Variants in DSC1 observed in about 807,000 individuals in gnomAD.
DSC1 encodes desmocollin 1.
Under a neutral mutation model 98.8 loss-of-function variants are expected in DSC1, and 79 were observed. The ratio of observed to expected loss-of-function variants is 0.80; its 90% CI spans 0.67 to 0.96. The LOEUF (loss-of-function observed/expected upper bound fraction) is 0.96. Among genes scored for constraint, DSC1 ranks in the 50% least tolerant of loss-of-function variants. DSC1 has a pLI of 0.00. For missense variants in DSC1, 1,115 were observed against 1,075.9 expected, an observed-to-expected ratio of 1.04 and a Z score of -0.51; for synonymous variants, 405 against 372.1, an observed-to-expected ratio of 1.09 and a Z score of -1.02.
chr18:31,132,290 G>A (rs2144912477), intron 14 of DSC1: 2 of 354,094 alleles, frequency 5.6e-6, no homozygotes, highest in East Asian at 6.0e-5. Context: ...TCCTTCAGAG[G>A]GAGCACGGAC....
chr18:31,145,851 C>T, intron 6 of DSC1, 74 bp from the exon 7 acceptor site: 2 of 1,498,622 alleles, frequency 1.3e-6, no homozygotes, highest in Non-Finnish European at 1.8e-6. Context: ...AAAATCAAGG[C>T]ATTGCTGTAG....
chr18:31,154,527 C>T (rs1003196581), intron 5 of DSC1, among the ~76,000 whole-genome samples: 1 of 152,038 alleles, frequency 6.6e-6, no homozygotes, highest in Non-Finnish European at 1.5e-5. Context: ...TCCAGGATTA[C>T]AGACCAAAAT....
chr18:31,145,015 C>G (rs998861424), intron 7 of DSC1, among the ~76,000 whole-genome samples: 1 of 148,692 alleles, frequency 6.7e-6, no homozygotes, highest in Non-Finnish European at 1.5e-5. Context: ...TCTCGGCTCA[C>G]TGCAAGCTCC....
At chr18:31,136,311 AC>A (rs1988607929) in intron 11 of DSC1, among the ~76,000 whole-genome samples, 1 of 152,192 alleles carries the variant, frequency 6.6e-6, no homozygotes, top group Non-Finnish European at 1.5e-5. Flanking sequence ...TGATATATAT[AC>A]TATAATTTCA....
chr18:31,156,189 G>A, intron 3 of DSC1, 27 bp from the exon 4 acceptor site: 1 of 1,595,634 alleles, frequency 6.3e-7, no homozygotes, highest in Non-Finnish European at 8.5e-7. Flanking sequence ...ACAAAGAAAT[G>A]TAGCATTGCT....
chr18:31,135,399 A>G (rs1276563799), intron 11 of DSC1, among the ~76,000 whole-genome samples: 1 of 152,116 alleles, frequency 6.6e-6, no homozygotes, highest in Admixed American at 6.6e-5. Context: ...ACTCTTTGCT[A>G]ATACTTTGGC....
intron 11 of DSC1, 105 bp downstream of exon 11, chr18:31,139,643 C>G: frequency 8.4e-7 from 1 of 1,185,348 alleles, no homozygotes; most frequent in East Asian, 2.6e-5. Context: ...AAAATGCAAA[C>G]ATTGCTTGAA....
rs757775839 is a variant in DSC1, at chr18:31,154,949, A to G, written c.472-20T>C. Reference sequence around the variant, plus strand: ...TTGGATCTGCAGTAATAATTTAGGAATAGAACAAATACGTCATGATGAATA... The same window carrying G: ...TTGGATCTGCAGTAATAATTTAGGAGTAGAACAAATACGTCATGATGAATA... On this transcript the variant is annotated intron_variant, in intron 4 of 15. Coordinates refer to ENST00000257198, the MANE Select transcript of DSC1 (RefSeq NM_024421.2). The G allele has an allele frequency of 6.2e-6, 10 of 1,609,516 alleles. No individual in the cohort carries two copies. Among genetic ancestry groups the G allele is most frequent in the African/African-American group, 5.4e-5 (4 of 74,702 alleles).
rs1191565769 is a variant in DSC1 at position 31,131,581 on chromosome 18, C to G, written c.2487+13G>C. 5 of 1,613,720 alleles carry G rather than the reference C, an allele frequency of 3.1e-6. No individual in the cohort carries two copies. Among genetic ancestry groups the G allele is most frequent in the African/African-American group, 1.3e-5 (1 of 74,900 alleles). Reference sequence around the variant, plus strand: ...CTTCCATGTAATATGACCTCAAAGACAGTGGAACTTACTTCGCCAAGCCGA... The same window carrying G: ...CTTCCATGTAATATGACCTCAAAGAGAGTGGAACTTACTTCGCCAAGCCGA... On this transcript the variant is annotated intron_variant, in intron 15 of 15. Transcript: ENST00000257198.
chr18:31,154,371 T>C (rs1176194973), intron 5 of DSC1, among the ~76,000 whole-genome samples: 2 of 152,004 alleles, frequency 1.3e-5, no homozygotes, highest in Non-Finnish European at 2.9e-5. Flanking sequence ...CCCAGAACAA[T>C]TAAATCAGAA....
chr18:31,144,162 G>A (rs575846753), intron 7 of DSC1, among the ~76,000 whole-genome samples: 176 of 152,092 alleles, frequency 1.2e-3, no homozygotes, highest in African/African-American at 4.0e-3. Flanking sequence ...TGCCTGCCTC[G>A]GCCTCCCAAA....
chr18:31,138,704 A>G (rs1004076318), intron 11 of DSC1, among the ~76,000 whole-genome samples: 2 of 151,856 alleles, frequency 1.3e-5, no homozygotes, highest in Admixed American at 6.6e-5. Flanking sequence ...TTTCATATGT[A>G]TTTATTAATA....
chr18:31,141,951 G>A (rs775692787), intron 9 of DSC1, 48 bp downstream of exon 9: 48 of 1,533,640 alleles, frequency 3.1e-5, no homozygotes, highest in Non-Finnish European at 3.4e-5. Context: ...AAATCAGTGC[G>A]TGAGTTAGGA....
At chr18:31,142,274 T>G in intron 8 of DSC1, 90 bp from the exon 9 acceptor site, 1 of 1,389,670 alleles carries the variant, frequency 7.2e-7, no homozygotes, top group Non-Finnish European at 9.7e-7. Flanking sequence ...AAAAAATAAA[T>G]AAAGTGATGT....
intron 7 of DSC1, among the ~76,000 whole-genome samples, chr18:31,144,633 A>G (rs989635716): frequency 4.6e-5 from 7 of 152,202 alleles, no homozygotes; most frequent in Non-Finnish European, 5.9e-5. Flanking sequence ...GAAGCACTAC[A>G]GAAGCAAAAT....
chr18:31,154,105 T>C (rs184039012), intron 5 of DSC1, among the ~76,000 whole-genome samples: 65 of 152,300 alleles, frequency 4.3e-4, no homozygotes, highest in African/African-American at 1.5e-3. Context: ...CAAAGAGTTA[T>C]ATAAAATTAA....
intron 11 of DSC1, 128 bp downstream of exon 11, chr18:31,139,620 A>T (rs1319890895): frequency 1.0e-6 from 1 of 1,004,716 alleles, no homozygotes; most frequent in South Asian, 2.2e-5. Flanking sequence ...GATATCCAAT[A>T]ACATGAACAA....
chr18:31,153,963 T>A (rs926403408), intron 5 of DSC1, among the ~76,000 whole-genome samples: 1 of 152,194 alleles, frequency 6.6e-6, no homozygotes. Flanking sequence ...CATTTTTATA[T>A]TCTCCTTTAG....
intron 5 of DSC1, among the ~76,000 whole-genome samples, chr18:31,150,313 TACTACCATC>T (rs1988955552): frequency 1.4e-4 from 1 of 7,100 alleles, no homozygotes; most frequent in East Asian, 5.2e-3. Flanking sequence ...TCACCACCAC[TACTACCATC>T]ATCACCACCA....
Sources: allele counts gnomAD v4.1 joint callset (sites outside exome capture counted in the v4.1 genomes callset), GRCh38; gene constraint gnomAD v4.1.1; transcripts MANE v1.5; gene names NCBI Gene and HGNC (gene_info 2026-07-23, HGNC 2026-07-21).